BTBD9: variants seen among roughly 807,000 people sequenced by gnomAD.
BTBD9 encodes the protein BTB/POZ domain-containing protein 9.
BTBD9 carries 49 observed loss-of-function variants against 64.3 expected under a neutral mutation model. That is an observed-to-expected ratio of 0.76 (90% CI 0.61 to 0.97). The LOEUF (loss-of-function observed/expected upper bound fraction) is 0.97. BTBD9 is among the 50% of genes least tolerant of loss of function. BTBD9 has a pLI of 0.00. For synonymous variants in BTBD9, 260 were observed against 274.7 expected (o/e 0.95, Z 0.53); for missense variants, 598 against 762.1 (o/e 0.78, Z 2.53).
At chr6:38,422,439 T>C (rs560458049) in intron 6 of BTBD9, among the ~76,000 whole-genome samples, 7 of 152,272 alleles carry the variant, frequency 4.6e-5, no homozygotes, top group Non-Finnish European at 8.8e-5. Context: ...CAGTTGGGGT[T>C]ATATTGATTT....
rs1382930861 is a variant in BTBD9 at position 38,170,102 on chromosome 6, C to G, written c.*4883G>C. On this transcript the variant is annotated 3_prime_UTR_variant, in exon 11 of 11. Transcript: ENST00000481247. Reference sequence around the variant, plus strand: ...GGGCCCAGGTCGGAAGCAGCCAGAGCCAGATGAAGGGCACCTGGCCCCTTC... The same window carrying G: ...GGGCCCAGGTCGGAAGCAGCCAGAGGCAGATGAAGGGCACCTGGCCCCTTC... The G allele has an allele frequency of 6.6e-6, 1 of 152,216 alleles. No individual in the cohort carries two copies. The highest frequency in any genetic ancestry group is 6.5e-5 in the Admixed American group (1 of 15,288). The allele number at this position is 152,216 out of a possible 1,614,324, so 9.4% of individuals were successfully genotyped here. A position where few individuals can be genotyped will look rare whatever the true frequency, so the allele number is the denominator to read the frequency against.
At chr6:38,436,494 G>A (rs959019674) in intron 6 of BTBD9, among the ~76,000 whole-genome samples, 4 of 149,904 alleles carry the variant, frequency 2.7e-5, no homozygotes, top group African/African-American at 9.9e-5. Flanking sequence ...TTCTGCCTCA[G>A]CCTCCTGAGT....
At chr6:38,445,799 ACT>A (rs1393323509) in intron 6 of BTBD9, among the ~76,000 whole-genome samples, 2 of 152,208 alleles carry the variant, frequency 1.3e-5, no homozygotes, top group African/African-American at 4.8e-5. Context: ...TTGTATTGAT[ACT>A]GTTACCATAT....
intron 6 of BTBD9, among the ~76,000 whole-genome samples, chr6:38,458,886 T>C (rs1310605201): frequency 6.6e-6 from 1 of 152,206 alleles, no homozygotes; most frequent in Non-Finnish European, 1.5e-5. Flanking sequence ...AAAAAGGCCA[T>C]TTTATGAGCA....
intron 1 of BTBD9, among the ~76,000 whole-genome samples, chr6:38,635,484 T>G (rs1778498610): frequency 6.6e-6 from 1 of 152,170 alleles, no homozygotes; most frequent in Admixed American, 6.5e-5. Flanking sequence ...CTACTATGGT[T>G]TGCATGTGTC....
chr6:38,515,807 G>A (rs1280273452), intron 6 of BTBD9, among the ~76,000 whole-genome samples: 1 of 152,180 alleles, frequency 6.6e-6, no homozygotes, highest in African/African-American at 2.4e-5. Flanking sequence ...CACATGAAAA[G>A]CACAGAATAA....
chr6:38,556,057 A>G (rs1774998291), intron 6 of BTBD9, among the ~76,000 whole-genome samples: 1 of 152,188 alleles, frequency 6.6e-6, no homozygotes, highest in South Asian at 2.1e-4. Flanking sequence ...TCCCTATGCA[A>G]CCTTCAAAAC....
At chr6:38,198,478 G>A (rs1017321102) in intron 9 of BTBD9, among the ~76,000 whole-genome samples, 12 of 152,218 alleles carry the variant, frequency 7.9e-5, no homozygotes, top group African/African-American at 9.6e-5. Context: ...AAGGGTGACC[G>A]TAGTGCTCAG....
At chr6:38,290,825 A>T (rs889085932) in intron 7 of BTBD9, among the ~76,000 whole-genome samples, 2 of 152,208 alleles carry the variant, frequency 1.3e-5, no homozygotes, top group Admixed American at 6.5e-5. Flanking sequence ...AGGGAGAAAA[A>T]ATGGGGTATT....
intron 7 of BTBD9, among the ~76,000 whole-genome samples, chr6:38,341,636 A>C (rs1279268963): frequency 1.3e-5 from 2 of 152,242 alleles, no homozygotes; most frequent in Non-Finnish European, 2.9e-5. Flanking sequence ...GGCAAAGTAA[A>C]TACATTCTTT....
At chr6:38,500,713 C>T (rs148334794) in intron 6 of BTBD9, among the ~76,000 whole-genome samples, 2 of 152,302 alleles carry the variant, frequency 1.3e-5, no homozygotes, top group Admixed American at 6.5e-5. Flanking sequence ...GAAGCGCATG[C>T]ATGAATTCTT....
intron 7 of BTBD9, among the ~76,000 whole-genome samples, chr6:38,303,450 C>T (rs1762486402): frequency 6.6e-6 from 1 of 152,040 alleles, no homozygotes; most frequent in Non-Finnish European, 1.5e-5. Context: ...CACATCTTAA[C>T]ACTGTTTTTA....
At chr6:38,283,508 G>A in intron 8 of BTBD9, among the ~76,000 whole-genome samples, 1 of 152,096 alleles carries the variant, frequency 6.6e-6, no homozygotes, top group Non-Finnish European at 1.5e-5. Context: ...AACTAGTCAG[G>A]TGTGGTGGTG....
intron 1 of BTBD9, among the ~76,000 whole-genome samples, chr6:38,624,391 CT>C (rs1333243354): frequency 6.6e-6 from 1 of 152,104 alleles, no homozygotes; most frequent in Non-Finnish European, 1.5e-5. Context: ...TCTGTGCCAT[CT>C]TTAAGAGCTG....
intron 6 of BTBD9, among the ~76,000 whole-genome samples, chr6:38,514,589 C>A (rs1278844440): frequency 6.6e-6 from 1 of 152,160 alleles, no homozygotes; most frequent in Non-Finnish European, 1.5e-5. Context: ...TATTAAAATT[C>A]TCATATGTCC....
intron 7 of BTBD9, among the ~76,000 whole-genome samples, chr6:38,317,863 T>C (rs536178530): frequency 3.1e-4 from 47 of 152,232 alleles, no homozygotes; most frequent in Non-Finnish European, 6.2e-4. Context: ...TTATTTTCTT[T>C]GTTAAATGTA....
intron 6 of BTBD9, among the ~76,000 whole-genome samples, chr6:38,476,357 C>T (rs1361378526): frequency 6.6e-6 from 1 of 152,140 alleles, no homozygotes; most frequent in East Asian, 1.9e-4. Flanking sequence ...ATAACATGTG[C>T]TTATGAGCCA....
At chr6:38,337,858 T>G (rs1038790322) in intron 7 of BTBD9, among the ~76,000 whole-genome samples, 4 of 152,212 alleles carry the variant, frequency 2.6e-5, no homozygotes, top group Non-Finnish European at 5.9e-5. Flanking sequence ...CAGCCTGTTT[T>G]TTTGTTCTGC....
chr6:38,176,946 A>ACC (rs747903163), intron 10 of BTBD9, among the ~76,000 whole-genome samples: 1 of 151,370 alleles, frequency 6.6e-6, no homozygotes, highest in African/African-American at 2.4e-5. Flanking sequence ...GGTCCTCAAC[A>ACC]CCCCCCCCAC....
Sources: gnomAD v4.1 joint callset for allele counts (sites outside exome capture counted in the v4.1 genomes callset) on GRCh38, gnomAD v4.1.1 for gene constraint, MANE v1.5 for transcripts, NCBI Gene and HGNC (gene_info 2026-07-23, HGNC 2026-07-21) for gene names.